Variants in TMEM230 observed in about 807,000 individuals in gnomAD.
The protein encoded by TMEM230 is transmembrane protein 230.
In TMEM230, 10 loss-of-function variants were observed where a neutral mutation model predicts 15.8. The ratio of observed to expected loss-of-function variants is 0.63; its 90% CI spans 0.39 to 1.07. The LOEUF (loss-of-function observed/expected upper bound fraction) is 1.07, where lower values mean the gene tolerates loss of function less well. Ranked by LOEUF, TMEM230 falls within the 50% of genes least tolerant of loss-of-function variation. The pLI, the probability that TMEM230 is intolerant of heterozygous loss-of-function variation, is 0.01. For synonymous variants in TMEM230, 67 were observed against 76.9 expected (o/e 0.87, Z 0.68); for missense variants, 165 against 193.3 (o/e 0.85, Z 0.87).
intron 3 of TMEM230, among the ~76,000 whole-genome samples, chr20:5,088,273 T>C (rs6084997): frequency 0.55 from 79,615 of 144,464 alleles, 22,110 homozygotes; most frequent in East Asian, 0.84. Context: ...CGTGCCACTG[T>C]ACTCCAGCCT....
chr20:5,104,384 C>A (rs909342584), intron 4 of TMEM230, among the ~76,000 whole-genome samples: 2 of 152,148 alleles, frequency 1.3e-5, no homozygotes, highest in African/African-American at 4.8e-5. Flanking sequence ...CCAAAAAAAA[C>A]GGCAATAACG....
At chr20:5,070,818 G>A (rs1382699004) in intron 3 of TMEM230, among the ~76,000 whole-genome samples, 1 of 152,182 alleles carries the variant, frequency 6.6e-6, no homozygotes, top group Admixed American at 6.5e-5. Context: ...TCAGGCTGGA[G>A]TACAGCGGTG....
chr20:5,067,410 C>CATATACATAT (rs2088678915), downstream of TMEM230: 1 of 102,314 alleles, frequency 9.8e-6, no homozygotes, highest in Non-Finnish European at 2.0e-5. Context: ...TGTTTAGGCT[C>CATATACATAT]ATATATATAT....
intron 4 of TMEM230, among the ~76,000 whole-genome samples, chr20:5,105,523 G>A (rs185849146): frequency 1.3e-5 from 2 of 151,678 alleles, no homozygotes; most frequent in Non-Finnish European, 2.9e-5. Context: ...CCTGGGAGGC[G>A]GAGGTTGCAG....
At chr20:5,110,483 C>T (rs371861877) in intron 2 of TMEM230, among the ~76,000 whole-genome samples, 5 of 152,064 alleles carry the variant, frequency 3.3e-5, no homozygotes, top group African/African-American at 9.7e-5. Context: ...TGGGGTTTTA[C>T]CACGTTGGCC....
downstream of TMEM230, among the ~76,000 whole-genome samples, chr20:5,063,443 G>C (rs573787732): frequency 6.6e-6 from 1 of 151,702 alleles, no homozygotes. Context: ...GTGCACCACC[G>C]CACCTGGCTA....
downstream of TMEM230, chr20:5,067,432 TATA>T (rs1314467835): frequency 7.5e-5 from 1 of 13,394 alleles, no homozygotes; most frequent in Non-Finnish European, 1.4e-4. Context: ...TATATATATA[TATA>T]TATATATATA....
intron 3 of TMEM230, among the ~76,000 whole-genome samples, chr20:5,079,699 A>C (rs2089121157): frequency 6.6e-6 from 1 of 152,136 alleles, no homozygotes; most frequent in South Asian, 2.1e-4. Flanking sequence ...CTCACGACTG[A>C]AATTCACTGA....
At chr20:5,075,316 C>T (rs992084349) in intron 3 of TMEM230, among the ~76,000 whole-genome samples, 5 of 146,250 alleles carry the variant, frequency 3.4e-5, no homozygotes, top group South Asian at 2.2e-4. Flanking sequence ...CCACCCGTCT[C>T]GGCCTCCCAA....
rs1300808478 is a variant in TMEM230 at position 5,100,120 on chromosome 20, C to T, written c.*671G>A. 6.1e-6 allele frequency: 6 copies of T among 985,262 alleles called. No individual in the cohort carries two copies. The highest frequency in any genetic ancestry group is 7.2e-6 in the Non-Finnish European group (6 of 829,948). The allele number at this position is 985,262 out of a possible 1,614,324, so 61.0% of individuals were successfully genotyped here. ...GCCGTTAAAGGAATAATCTGCAGAA[C>T]ATCTTGATTTACAAGGGACAAAATG... On this transcript the variant is annotated 3_prime_UTR_variant, in exon 5 of 5. Coordinates refer to ENST00000342308, the MANE Select transcript of TMEM230 (RefSeq NM_001009923.2).
intron 3 of TMEM230, among the ~76,000 whole-genome samples, chr20:5,084,129 G>A (rs183195106): frequency 2.2e-4 from 33 of 152,132 alleles, no homozygotes; most frequent in Admixed American, 9.2e-4. Context: ...TTCTGTTCCT[G>A]CGTTAATTCA....
Position 5,094,704 on chromosome 20 carries a change from C to CAAA in TMEM230, c.222+11481_222+11483dup, listed in dbSNP as rs774664710. On this transcript the variant is annotated intron_variant, in intron 3 of 3. Transcript: ENST00000612323. Reference sequence around the variant, plus strand: ...CCTGGGACAGAGCTAGACTCCATCTCAAAAAAAAAAAAAAAAAAAAAAAAT... The same window carrying CAAA: ...CCTGGGACAGAGCTAGACTCCATCTCAAAAAAAAAAAAAAAAAAAAAAAAAAAT... 6.8e-3 allele frequency among the ~76,000 whole-genome samples: 419 copies of CAAA among 61,596 alleles called. 35 individuals are homozygous for CAAA. Among genetic ancestry groups the CAAA allele is most frequent in the African/African-American group, 0.016 (235 of 14,274 alleles). 40.4% of individuals were successfully genotyped at this position (61,596 alleles called of 152,430 possible).
At chr20:5,064,991 G>A (rs2122516178), downstream of TMEM230, among the ~76,000 whole-genome samples, 1 of 151,892 alleles carries the variant, frequency 6.6e-6, no homozygotes, top group East Asian at 1.9e-4. Flanking sequence ...GGCCAACAAA[G>A]TGAGATCTCA....
intron 3 of TMEM230, among the ~76,000 whole-genome samples, chr20:5,084,364 C>T (rs1429793870): frequency 1.3e-5 from 2 of 151,302 alleles, no homozygotes; most frequent in Non-Finnish European, 2.9e-5. Context: ...ACTGGGACTA[C>T]AGGCGTACGC....
intron 3 of TMEM230, among the ~76,000 whole-genome samples, chr20:5,073,484 C>T (rs1336895474): frequency 6.6e-6 from 1 of 152,206 alleles, no homozygotes; most frequent in African/African-American, 2.4e-5. Context: ...GTCAGAGCTG[C>T]TGGAGGGCAG....
intron 3 of TMEM230, among the ~76,000 whole-genome samples, chr20:5,084,949 A>C (rs1156647164): frequency 6.6e-6 from 1 of 152,072 alleles, no homozygotes; most frequent in African/African-American, 2.4e-5. Context: ...GGTTTATTCC[A>C]ATTTTCTATT....
chr20:5,100,817 C>T lies in TMEM230; in HGVS notation c.526G>A (p.Asp176Asn). Residue 176 changes from aspartate to asparagine, a missense_variant, in exon 5 of 5, where the codon GAT becomes AAT. By Grantham distance (23) the Asp-to-Asn change is conservative. Coordinates refer to ENST00000342308, the MANE Select transcript of TMEM230 (RefSeq NM_001009923.2). The stretch of plus-strand genomic sequence containing the variant: ...TAGTCATCAAAGTCTGGAATGTCAT[C>T]ATAGGAGTAACCACGGTAGCCTTTG... 6.2e-7 allele frequency: 1 copy of T among 1,613,880 alleles called. No individual in the cohort carries two copies. Among genetic ancestry groups the T allele is most frequent in the Non-Finnish European group, 8.5e-7 (1 of 1,180,016 alleles).
At chr20:5,075,500 G>A (rs1288674891) in intron 3 of TMEM230, among the ~76,000 whole-genome samples, 1 of 151,768 alleles carries the variant, frequency 6.6e-6, no homozygotes, top group Non-Finnish European at 1.5e-5. Context: ...GAGGGTGGAT[G>A]GATCACCTGA....
At chr20:5,072,076 G>A (rs555250117) in intron 3 of TMEM230, among the ~76,000 whole-genome samples, 2 of 143,708 alleles carry the variant, frequency 1.4e-5, no homozygotes, top group South Asian at 4.4e-4. Flanking sequence ...TTGAAGATAG[G>A]GTCTCACTCT....
Sources: gnomAD v4.1 joint callset for allele counts (sites outside exome capture counted in the v4.1 genomes callset) on GRCh38, gnomAD v4.1.1 for gene constraint, MANE v1.5 for transcripts, NCBI Gene and HGNC (gene_info 2026-07-23, HGNC 2026-07-21) for gene names.